Variants in AIDA observed in about 807,000 individuals in gnomAD.
AIDA encodes the protein axin interactor, dorsalization-associated protein.
In AIDA, 18 loss-of-function variants were observed where a neutral mutation model predicts 42.7. The observed-to-expected ratio is 0.42, with a 90% CI of 0.29 to 0.63. The LOEUF is 0.63. Ranked by LOEUF, AIDA falls within the 20% of genes least tolerant of loss-of-function variation. The pLI, the probability that AIDA is intolerant of heterozygous loss-of-function variation, is 0.19. For synonymous variants in AIDA, 104 were observed against 122.9 expected (o/e 0.85, Z 1.02); for missense variants, 250 against 354.1 (o/e 0.71, Z 2.36).
chr1:222,702,114 T>C (rs1655725855), intron 2 of AIDA, among the ~76,000 whole-genome samples: 1 of 152,194 alleles, frequency 6.6e-6, no homozygotes, highest in Admixed American at 6.5e-5. Flanking sequence ...ATCCTAAATA[T>C]TTTTAAAATG....
chr1:222,672,274 T>C (rs1664463250), intron 8 of AIDA, among the ~76,000 whole-genome samples: 1 of 152,138 alleles, frequency 6.6e-6, no homozygotes, highest in Admixed American at 6.5e-5. Context: ...CATGAAACAC[T>C]CCACCTTCTC....
chr1:222,695,525 C>G (rs1353741554), intron 2 of AIDA, among the ~76,000 whole-genome samples: 1 of 151,920 alleles, frequency 6.6e-6, no homozygotes, highest in Non-Finnish European at 1.5e-5. Context: ...TAAAAGTATA[C>G]ATAGGTTGAA....
intron 1 of AIDA, among the ~76,000 whole-genome samples, chr1:222,706,139 C>T (rs1571943303): frequency 6.6e-6 from 1 of 152,152 alleles, no homozygotes; most frequent in African/African-American, 2.4e-5. Flanking sequence ...GTATTATACA[C>T]CCGCTAGAAT....
chr1:222,675,830 A>G (rs1365548742), intron 7 of AIDA, among the ~76,000 whole-genome samples: 1 of 152,232 alleles, frequency 6.6e-6, no homozygotes, highest in Non-Finnish European at 1.5e-5. Flanking sequence ...CCCAGATGGG[A>G]TGTTAAGAAT....
At chr1:222,694,925 T>A (rs1655473344) in intron 2 of AIDA, among the ~76,000 whole-genome samples, 1 of 152,130 alleles carries the variant, frequency 6.6e-6, no homozygotes, top group South Asian at 2.1e-4. Flanking sequence ...CTATATGACC[T>A]AAAGAAACAG....
chr1:222,689,510 T>TAC (rs1655299633), intron 4 of AIDA, among the ~76,000 whole-genome samples: 1 of 67,850 alleles, frequency 1.5e-5, no homozygotes, highest in Admixed American at 1.8e-4. Context: ...TATATATATA[T>TAC]ATATATATAT....
chr1:222,682,832 A>G (rs1163598792), intron 6 of AIDA, among the ~76,000 whole-genome samples: 2 of 152,202 alleles, frequency 1.3e-5, no homozygotes, highest in Non-Finnish European at 2.9e-5. Context: ...ACTGGCTACA[A>G]TATTTGGTAG....
intron 6 of AIDA, among the ~76,000 whole-genome samples, chr1:222,678,895 G>C (rs1177999076): frequency 2.0e-5 from 3 of 152,010 alleles, no homozygotes; most frequent in Non-Finnish European, 4.4e-5. Context: ...ATAATATACT[G>C]TGTCCACCTC....
At chr1:222,673,504 C>T (rs543356186) in intron 7 of AIDA, 69 bp from the exon 8 acceptor site, 38 of 1,350,526 alleles carry the variant, frequency 2.8e-5, no homozygotes, top group East Asian at 5.2e-5. Flanking sequence ...AGGCCAGGCA[C>T]GGTGGCTCAC....
At chr1:222,688,725 G>A (rs971164705) in intron 4 of AIDA, among the ~76,000 whole-genome samples, 3 of 151,810 alleles carry the variant, frequency 2.0e-5, no homozygotes, top group Admixed American at 6.6e-5. Flanking sequence ...TCAGCTTCCC[G>A]AGTAGCTAGG....
intron 6 of AIDA, among the ~76,000 whole-genome samples, chr1:222,682,182 GCTA>G (rs760547942): frequency 2.6e-5 from 4 of 152,022 alleles, no homozygotes; most frequent in Non-Finnish European, 5.9e-5. Context: ...TAAAAAAATT[GCTA>G]CTGTTTACAT....
intron 6 of AIDA, among the ~76,000 whole-genome samples, chr1:222,686,669 T>C (rs572639492): frequency 6.6e-6 from 1 of 152,244 alleles, no homozygotes; most frequent in Admixed American, 6.5e-5. Flanking sequence ...ATCCTAGCTA[T>C]GAATACAACT....
At chr1:222,677,894 C>T (rs573098531) in intron 6 of AIDA, among the ~76,000 whole-genome samples, 2 of 151,988 alleles carry the variant, frequency 1.3e-5, no homozygotes, top group South Asian at 2.1e-4. Context: ...AATAGAGAAC[C>T]TGGTGTATAT....
chr1:222,702,962 A>C (rs559939302), intron 2 of AIDA, among the ~76,000 whole-genome samples, 186 bp downstream of exon 2: 1 of 152,266 alleles, frequency 6.6e-6, no homozygotes, highest in African/African-American at 2.4e-5. Flanking sequence ...CTTTAAATTG[A>C]TAAGTCATAT....
intron 2 of AIDA, among the ~76,000 whole-genome samples, chr1:222,698,083 T>C (rs559837536): frequency 1.1e-4 from 16 of 152,358 alleles, no homozygotes; most frequent in African/African-American, 3.6e-4. Flanking sequence ...AGCTATTCAT[T>C]GGTTACCAAA....
intron 1 of AIDA, among the ~76,000 whole-genome samples, chr1:222,711,203 A>AATG (rs1270047698): frequency 1.3e-5 from 2 of 152,166 alleles, no homozygotes; most frequent in Admixed American, 1.3e-4. Context: ...GAGTTTGCAA[A>AATG]CAATAGCATT....
intron 1 of AIDA, chr1:222,711,956 G>A (rs1382168574): frequency 2.1e-6 from 1 of 479,082 alleles, no homozygotes; most frequent in Non-Finnish European, 3.7e-6. Context: ...CAGGAAAGAA[G>A]GGCTACCTGT....
At chr1:222,679,147 A>T (rs552860745) in intron 6 of AIDA, among the ~76,000 whole-genome samples, 1 of 152,206 alleles carries the variant, frequency 6.6e-6, no homozygotes, top group Non-Finnish European at 1.5e-5. Flanking sequence ...TGCACGAAAG[A>T]AGATAAAATA....
chr1:222,690,856 C>A (rs2124960077), intron 4 of AIDA, among the ~76,000 whole-genome samples: 1 of 152,250 alleles, frequency 6.6e-6, no homozygotes, highest in East Asian at 1.9e-4. Context: ...CTCTTTCTTT[C>A]TTCTTCTCAA....
Sources: allele counts gnomAD v4.1 joint callset (sites outside exome capture counted in the v4.1 genomes callset), GRCh38; gene constraint gnomAD v4.1.1; transcripts MANE v1.5; gene names NCBI Gene and HGNC (gene_info 2026-07-23, HGNC 2026-07-21).